Variants in DGKB observed in about 807,000 individuals in gnomAD.
DGKB encodes the protein 90 kDa diacylglycerol kinase.
A neutral mutation model predicts 114.3 loss-of-function variants in DGKB; 67 were observed. The observed-to-expected ratio is 0.59, with a 90% CI of 0.48 to 0.72. The LOEUF (loss-of-function observed/expected upper bound fraction) is 0.72, where lower values mean the gene tolerates loss of function less well. DGKB is among the 30% of genes least tolerant of loss of function. The pLI, the probability that DGKB is intolerant of heterozygous loss-of-function variation, is 0.00. For missense variants in DGKB, 907 were observed against 975.2 expected (o/e 0.93, Z 0.93); for synonymous variants, 398 against 323.1 (o/e 1.23, Z -2.49).
rs530166413 is a variant in DGKB at position 14,594,432 on chromosome 7, T to C, written c.1434-11295A>G. ...AGAGAATTGACAGACAATTCTGATG[T>C]AGTAAGTTGAAAATGAAGGGAAAAA... On this transcript the variant is annotated intron_variant, in intron 17 of 25. Transcript: ENST00000402815. Among the ~76,000 whole-genome samples, 42 of 152,174 alleles carry C rather than the reference T, an allele frequency of 2.8e-4. 1 individual carries two copies. Among genetic ancestry groups the C allele is most frequent in the Non-Finnish European group, 4.3e-4 (29 of 67,958 alleles).
intron 1 of DGKB, among the ~76,000 whole-genome samples, chr7:14,863,744 T>C (rs1210352201): frequency 6.6e-6 from 1 of 152,078 alleles, no homozygotes; most frequent in Non-Finnish European, 1.5e-5. Flanking sequence ...ACATCAACTT[T>C]TCATGTTTTT....
chr7:14,226,035 G>A lies in DGKB; in HGVS notation c.2123-47884C>T, dbSNP rs189381996. On this transcript the variant is annotated intron_variant, in intron 23 of 25. Coordinates refer to ENST00000402815, the MANE Select transcript of DGKB (RefSeq NM_001350709.2). ...CAAACTAGTTAGTAAGTTTCCATTT[G>A]AAATATCTGAAGGTCAAATTATTAT... Among the ~76,000 whole-genome samples the A allele has an allele frequency of 3.9e-3, 588 of 151,888 alleles. 5 individuals carry two copies. The highest frequency in any genetic ancestry group is 0.01 in the Middle Eastern group (3 of 294).
At chr7:14,947,125 A>G (rs1226816706) in intron 1 of DGKB, among the ~76,000 whole-genome samples, 1 of 151,616 alleles carries the variant, frequency 6.6e-6, no homozygotes, top group Non-Finnish European at 1.5e-5. Context: ...GACATTTACT[A>G]GGAAAGCAAA....
At chr7:14,194,801 T>A (rs1348921618) in intron 23 of DGKB, among the ~76,000 whole-genome samples, 1 of 152,136 alleles carries the variant, frequency 6.6e-6, no homozygotes, top group East Asian at 1.9e-4. Flanking sequence ...CGGAGCTGAC[T>A]ATAACTTTGT....
chr7:14,308,232 C>A (rs968081823), intron 23 of DGKB, among the ~76,000 whole-genome samples: 1 of 151,838 alleles, frequency 6.6e-6, no homozygotes, highest in Non-Finnish European at 1.5e-5. Flanking sequence ...AATTATTTAA[C>A]CTCAGATTTT....
chr7:14,488,535 T>G (rs897156016), intron 20 of DGKB, among the ~76,000 whole-genome samples: 1 of 151,850 alleles, frequency 6.6e-6, no homozygotes, highest in Non-Finnish European at 1.5e-5. Flanking sequence ...ATCTCTAGAT[T>G]TAGGCCAGGT....
At chr7:14,457,005 A>G (rs1289187802) in intron 21 of DGKB, among the ~76,000 whole-genome samples, 1 of 152,124 alleles carries the variant, frequency 6.6e-6, no homozygotes, top group Non-Finnish European at 1.5e-5. Flanking sequence ...ACAGTTTCCT[A>G]CACTTTCACT....
At chr7:14,541,070 A>C (rs1427640519) in intron 20 of DGKB, among the ~76,000 whole-genome samples, 1 of 151,688 alleles carries the variant, frequency 6.6e-6, no homozygotes, top group Non-Finnish European at 1.5e-5. Flanking sequence ...GGTAGTTGAC[A>C]CCTTGAGAAA....
At chr7:14,728,998 G>C (rs1830435391) in intron 5 of DGKB, among the ~76,000 whole-genome samples, 1 of 151,076 alleles carries the variant, frequency 6.6e-6, no homozygotes, top group Non-Finnish European at 1.5e-5. Context: ...CTGTGCCAAG[G>C]CTCCAGCCTC....
At chr7:14,361,304 C>T (rs1446989521) in intron 21 of DGKB, among the ~76,000 whole-genome samples, 2 of 151,924 alleles carry the variant, frequency 1.3e-5, no homozygotes, top group African/African-American at 4.8e-5. Flanking sequence ...TTTACATACA[C>T]ATTAATTATC....
chr7:14,718,607 T>G lies in DGKB; in HGVS notation c.401A>C (p.His134Pro), dbSNP rs1464790813. ...CAGGTAACAGACAATGTCCTTCAGA[T>G]GGATTACTTCTGGGGAACACGTATT... ...PANTCSPEVI[H>P]LKDIVCYLSL... The change falls in exon 6 of 26, where the codon CAT (histidine) becomes CCT (proline). Residue 134 changes from histidine (H) to proline (P), a missense_variant. Coordinates refer to ENST00000402815, the MANE Select transcript of DGKB (RefSeq NM_001350709.2). The G allele has an allele frequency of 6.2e-7, 1 of 1,612,228 alleles. No homozygotes were observed. The highest frequency in any genetic ancestry group is 1.7e-5 in the Admixed American group (1 of 59,946).
intron 21 of DGKB, among the ~76,000 whole-genome samples, chr7:14,377,534 CA>C (rs1216648797): frequency 1.3e-5 from 2 of 152,164 alleles, no homozygotes; most frequent in Non-Finnish European, 2.9e-5. Flanking sequence ...TCTAAATAAT[CA>C]TTCTTATCTT....
At chr7:14,169,130 C>T (rs1190152297) in intron 25 of DGKB, among the ~76,000 whole-genome samples, 1 of 151,248 alleles carries the variant, frequency 6.6e-6, no homozygotes, top group East Asian at 2.0e-4. Context: ...GAGGCCGAGG[C>T]TTGTGGATCA....
chr7:14,934,772 G>A (rs1785192836), intron 1 of DGKB, among the ~76,000 whole-genome samples: 1 of 152,176 alleles, frequency 6.6e-6, no homozygotes, highest in African/African-American at 2.4e-5. Flanking sequence ...TTACAATAAA[G>A]AATGTCTATT....
intron 20 of DGKB, among the ~76,000 whole-genome samples, chr7:14,567,515 A>T (rs1290170845): frequency 1.1e-5 from 1 of 93,670 alleles, no homozygotes; most frequent in Non-Finnish European, 2.0e-5. Context: ...ATAATTATAT[A>T]TTTATATATT....
chr7:14,669,368 C>G (rs1234734554), intron 13 of DGKB, among the ~76,000 whole-genome samples: 2 of 152,118 alleles, frequency 1.3e-5, no homozygotes, highest in African/African-American at 4.8e-5. Context: ...CTCCTATACA[C>G]TCAGGGCTAG....
chr7:14,160,335 G>T (rs1163085424), intron 25 of DGKB, among the ~76,000 whole-genome samples: 8 of 152,124 alleles, frequency 5.3e-5, no homozygotes, highest in Admixed American at 5.2e-4. Context: ...AAGTCAAATT[G>T]TCTCTGTTTG....
chr7:14,236,942 A>G (rs1859732), intron 23 of DGKB, among the ~76,000 whole-genome samples: 56,316 of 151,282 alleles, frequency 0.37, 10,739 homozygotes, highest in Non-Finnish European at 0.41. Flanking sequence ...TGTGATGTTT[A>G]TCCTCCACTT....
In DGKB at chr7:14,189,255, A is replaced by T. The variant is rs112159758; in HGVS notation, c.2123-11104T>A. ...CACACCACAGATAAAGAAGTAAATT[A>T]AGTGAACAAAAGTATAAATTTTAGG... On this transcript the variant is annotated intron_variant, in intron 23 of 25. Transcript: ENST00000402815. Among the ~76,000 whole-genome samples the T allele has an allele frequency of 2.2e-3, 328 of 152,360 alleles. 2 individuals are homozygous for T. The highest frequency in any genetic ancestry group is 7.3e-3 in the African/African-American group (304 of 41,594).
Sources: gnomAD v4.1 joint callset for allele counts (sites outside exome capture counted in the v4.1 genomes callset) on GRCh38, gnomAD v4.1.1 for gene constraint, MANE v1.5 for transcripts, NCBI Gene and HGNC (gene_info 2026-07-23, HGNC 2026-07-21) for gene names.